Variants in CNTN5 observed in about 807,000 individuals in gnomAD.
The protein encoded by CNTN5 is contactin 5, also known as contactin-5.
CNTN5 carries 77 observed loss-of-function variants against 129.1 expected under a neutral mutation model. The ratio of observed to expected loss-of-function variants is 0.60; its 90% CI spans 0.50 to 0.72. CNTN5 has a LOEUF of 0.72. CNTN5 is among the 30% of genes least tolerant of loss of function. CNTN5 has a pLI of 0.00. For missense variants in CNTN5, 1,478 were observed against 1,328.8 expected (o/e 1.11, Z -1.75); for synonymous variants, 509 against 465.6 (o/e 1.09, Z -1.20).
chr11:100,169,927 A>G (rs1416752105), intron 13 of CNTN5, among the ~76,000 whole-genome samples: 1 of 151,834 alleles, frequency 6.6e-6, no homozygotes, highest in African/African-American at 2.4e-5. Flanking sequence ...TTTACCTGTT[A>G]TTTATTCCCT....
intron 9 of CNTN5, among the ~76,000 whole-genome samples, chr11:100,051,593 ATAG>A (rs1231890117): frequency 1.6e-4 from 24 of 151,972 alleles, no homozygotes; most frequent in African/African-American, 5.5e-4. Context: ...AAGATGAAAG[ATAG>A]TAGAAGAAAA....
intron 3 of CNTN5, among the ~76,000 whole-genome samples, chr11:99,588,142 T>G (rs1012279545): frequency 1.3e-4 from 19 of 151,962 alleles, no homozygotes; most frequent in African/African-American, 4.3e-4. Context: ...AGGAGATGGA[T>G]ACCATCCTGG....
At chr11:99,351,644 T>C (rs574318625) in intron 2 of CNTN5, among the ~76,000 whole-genome samples, 1 of 152,344 alleles carries the variant, frequency 6.6e-6, no homozygotes, top group South Asian at 2.1e-4. Context: ...CCAATCTACC[T>C]ATACAGTATT....
intron 3 of CNTN5, among the ~76,000 whole-genome samples, chr11:99,808,820 G>T (rs1036604626): frequency 6.6e-6 from 1 of 152,058 alleles, no homozygotes; most frequent in Non-Finnish European, 1.5e-5. Context: ...GAGTTAGCTT[G>T]AACAGTAATC....
chr11:100,036,252 AG>A (rs1363668068), intron 9 of CNTN5, among the ~76,000 whole-genome samples: 3 of 151,956 alleles, frequency 2.0e-5, no homozygotes, highest in Non-Finnish European at 4.4e-5. Flanking sequence ...TGTTTTTGTC[AG>A]GTTTGTCAAA....
chr11:99,946,891 T>C (rs1261455944), intron 7 of CNTN5, among the ~76,000 whole-genome samples: 4 of 151,954 alleles, frequency 2.6e-5, no homozygotes, highest in Non-Finnish European at 5.9e-5. Flanking sequence ...TATGATGATG[T>C]CTACTTTGCA....
At chr11:99,639,559 GTTTTTTTTTTTT>G (rs71050010) in intron 3 of CNTN5, among the ~76,000 whole-genome samples, 3 of 70,300 alleles carry the variant, frequency 4.3e-5, no homozygotes, top group African/African-American at 1.1e-4. Flanking sequence ...TCACCTTTAT[GTTTTTTTTTTTT>G]TTTTTTTTTT....
chr11:100,163,281 C>T (rs1408048317), intron 13 of CNTN5, among the ~76,000 whole-genome samples: 1 of 151,748 alleles, frequency 6.6e-6, no homozygotes, highest in East Asian at 1.9e-4. Context: ...AATTATTACA[C>T]TTATAATTGT....
intron 7 of CNTN5, among the ~76,000 whole-genome samples, chr11:99,947,426 A>T (rs1950577040): frequency 6.6e-6 from 1 of 152,060 alleles, no homozygotes; most frequent in Non-Finnish European, 1.5e-5. Flanking sequence ...CTGTTGATAA[A>T]TAGACAGTAT....
chr11:99,609,486 A>G (rs919817213), intron 3 of CNTN5, among the ~76,000 whole-genome samples: 2 of 152,182 alleles, frequency 1.3e-5, no homozygotes, highest in African/African-American at 4.8e-5. Flanking sequence ...TAATGTAATC[A>G]TTAATGTATT....
chr11:100,214,667 T>C (rs976566263), intron 15 of CNTN5, among the ~76,000 whole-genome samples: 1 of 152,164 alleles, frequency 6.6e-6, no homozygotes, highest in African/African-American at 2.4e-5. Flanking sequence ...CTTTCACTAG[T>C]AGTGTCATCA....
intron 1 of CNTN5, among the ~76,000 whole-genome samples, chr11:99,323,604 T>C (rs924686259): frequency 6.8e-5 from 10 of 146,128 alleles, no homozygotes; most frequent in Non-Finnish European, 5.9e-5. Context: ...AATGATGCAC[T>C]GTATAATTGC....
intron 6 of CNTN5, among the ~76,000 whole-genome samples, chr11:99,871,735 C>A (rs1205028865): frequency 6.6e-6 from 1 of 151,920 alleles, no homozygotes; most frequent in Non-Finnish European, 1.5e-5. Flanking sequence ...TGGAAAAAAT[C>A]CTGCTGAAAT....
chr11:99,256,245 C>G (rs1435677882), intron 1 of CNTN5, among the ~76,000 whole-genome samples: 1 of 151,992 alleles, frequency 6.6e-6, no homozygotes. Context: ...ATCTGGACAT[C>G]TAGACCCTTT....
At chr11:99,881,472 C>T (rs767292519) in intron 6 of CNTN5, among the ~76,000 whole-genome samples, 2 of 152,104 alleles carry the variant, frequency 1.3e-5, no homozygotes, top group Non-Finnish European at 2.9e-5. Context: ...TTTGATTCTA[C>T]ATTAGTTATG....
chr11:99,535,917 G>A (rs1353240), intron 2 of CNTN5, among the ~76,000 whole-genome samples: 51,537 of 151,826 alleles, frequency 0.34, 9,074 homozygotes, highest in Middle Eastern at 0.49. Context: ...GTATAAAAGC[G>A]AAAAAATCAT....
chr11:99,709,325 A>G (rs1954877940), intron 3 of CNTN5, among the ~76,000 whole-genome samples: 1 of 151,832 alleles, frequency 6.6e-6, no homozygotes, highest in South Asian at 2.1e-4. Flanking sequence ...AAGTTAAAAG[A>G]ATTGAACAAT....
chr11:99,188,653 A>C (rs1483299467), intron 1 of CNTN5, among the ~76,000 whole-genome samples: 1 of 151,698 alleles, frequency 6.6e-6, no homozygotes, highest in African/African-American at 2.4e-5. Context: ...TAAGAATTTT[A>C]AAGGAGCATG....
chr11:99,189,118 A>G (rs1669417329), intron 1 of CNTN5, among the ~76,000 whole-genome samples: 1 of 151,684 alleles, frequency 6.6e-6, no homozygotes, highest in Admixed American at 6.6e-5. Context: ...TATTTAACTT[A>G]AAACAATGTC....
Sources: gnomAD v4.1 joint callset for allele counts (sites outside exome capture counted in the v4.1 genomes callset) on GRCh38, gnomAD v4.1.1 for gene constraint, MANE v1.5 for transcripts, NCBI Gene and HGNC (gene_info 2026-07-23, HGNC 2026-07-21) for gene names.